Variants in RBFOX3 observed in about 807,000 individuals in gnomAD.
The protein encoded by RBFOX3 is RNA binding protein fox-1 homolog 3.
A neutral mutation model predicts 48.7 loss-of-function variants in RBFOX3; 17 were observed. The observed-to-expected ratio is 0.35, with a 90% confidence interval of 0.24 to 0.52. RBFOX3 has a LOEUF of 0.52. RBFOX3 is among the 20% of genes least tolerant of loss of function. The pLI, the probability that RBFOX3 is intolerant of heterozygous loss-of-function variation, is 0.94. For missense variants in RBFOX3, 382 were observed against 497.5 expected (o/e 0.77, Z 2.21); for synonymous variants, 212 against 209.5 (o/e 1.01, Z -0.10).
chr17:79,459,587 T>G (rs553035381), intron 2 of RBFOX3, among the ~76,000 whole-genome samples: 8 of 152,206 alleles, frequency 5.3e-5, no homozygotes, highest in African/African-American at 1.9e-4. Context: ...TGTGTTCCCC[T>G]GGAAGTCAAG....
At chr17:79,281,525 T>G (rs1434130016) in intron 3 of RBFOX3, among the ~76,000 whole-genome samples, 1 of 151,998 alleles carries the variant, frequency 6.6e-6, no homozygotes, top group African/African-American at 2.4e-5. Context: ...TGGGGTTAGC[T>G]TAGAGAAGAC....
intron 1 of RBFOX3, among the ~76,000 whole-genome samples, chr17:79,580,641 A>C (rs2093028735): frequency 6.6e-6 from 1 of 152,088 alleles, no homozygotes; most frequent in South Asian, 2.1e-4. Flanking sequence ...TTTAGAGCAA[A>C]GTTTTTTTTG....
intron 2 of RBFOX3, among the ~76,000 whole-genome samples, chr17:79,356,343 G>C (rs1426363385): frequency 1.1e-5 from 1 of 88,100 alleles, no homozygotes; most frequent in East Asian, 4.1e-4. Flanking sequence ...TTTTAAAACA[G>C]GGAAGTTTTT....
intron 2 of RBFOX3, among the ~76,000 whole-genome samples, chr17:79,349,156 A>C: frequency 6.6e-6 from 1 of 151,666 alleles, no homozygotes. Flanking sequence ...TCCTGCCCCA[A>C]CCATGCAAGT....
chr17:79,261,177 C>T (rs542986532), intron 3 of RBFOX3, among the ~76,000 whole-genome samples: 1 of 152,284 alleles, frequency 6.6e-6, no homozygotes, highest in South Asian at 2.1e-4. Flanking sequence ...ATCTGTTCCC[C>T]CAACTGCCCA....
chr17:79,280,163 G>A (rs12944469), intron 3 of RBFOX3, among the ~76,000 whole-genome samples: 1,050 of 99,526 alleles, frequency 0.011, 11 homozygotes, highest in African/African-American at 0.029. Flanking sequence ...ACACACACAC[G>A]CACACACCAC....
chr17:79,344,186 G>A (rs2082521523), intron 2 of RBFOX3, among the ~76,000 whole-genome samples: 1 of 152,072 alleles, frequency 6.6e-6, no homozygotes, highest in African/African-American at 2.4e-5. Context: ...CGGGTCCTGA[G>A]GCCAACATCT....
intron 14 of RBFOX3, chr17:79,091,880 C>T (rs1212732995): frequency 1.2e-6 from 1 of 829,008 alleles, no homozygotes; most frequent in Non-Finnish European, 1.5e-6. Flanking sequence ...TAAGGAGTCG[C>T]AGAGACTGGC....
chr17:79,187,918 A>G (rs2053742117), intron 4 of RBFOX3, among the ~76,000 whole-genome samples: 1 of 152,112 alleles, frequency 6.6e-6, no homozygotes, highest in Non-Finnish European at 1.5e-5. Context: ...CAGCTTGGGG[A>G]TGGGAAACTC....
chr17:79,200,738 G>T (rs2056625523), intron 4 of RBFOX3, among the ~76,000 whole-genome samples: 1 of 152,152 alleles, frequency 6.6e-6, no homozygotes, highest in Non-Finnish European at 1.5e-5. Context: ...TTGCATGGAG[G>T]GTACAGCTTT....
the RBFOX3 span, among the ~76,000 whole-genome samples, chr17:79,635,705 T>C: frequency 6.6e-6 from 1 of 152,182 alleles, no homozygotes; most frequent in Non-Finnish European, 1.5e-5. Flanking sequence ...TAACAAAAGA[T>C]TGATTTCCTT....
At chr17:79,320,551 C>T (rs2078359543) in intron 2 of RBFOX3, among the ~76,000 whole-genome samples, 1 of 152,240 alleles carries the variant, frequency 6.6e-6, no homozygotes, top group Non-Finnish European at 1.5e-5. Flanking sequence ...CCTCCCTTGG[C>T]AAACCCTGCC....
At chr17:79,378,279 G>T (rs1017101098) in intron 2 of RBFOX3, among the ~76,000 whole-genome samples, 3 of 152,096 alleles carry the variant, frequency 2.0e-5, no homozygotes, top group African/African-American at 7.2e-5. Context: ...TCTTCTCCTA[G>T]AAGAGTCCAA....
intron 4 of RBFOX3, among the ~76,000 whole-genome samples, chr17:79,223,803 C>T (rs529412201): frequency 6.6e-6 from 1 of 152,276 alleles, no homozygotes; most frequent in South Asian, 2.1e-4. Context: ...GGCAGTGCGC[C>T]CCCCCTACAG....
intron 4 of RBFOX3, among the ~76,000 whole-genome samples, chr17:79,173,190 A>G (rs1044207943): frequency 6.6e-6 from 1 of 152,074 alleles, no homozygotes; most frequent in African/African-American, 2.4e-5. Context: ...AGCCTGGGAG[A>G]CAGAACGAGA....
intron 1 of RBFOX3, among the ~76,000 whole-genome samples, chr17:79,530,363 A>G (rs1042061486): frequency 9.8e-5 from 15 of 152,298 alleles, no homozygotes; most frequent in African/African-American, 3.6e-4. Context: ...TCCCCCACGC[A>G]TGGCACCATC....
At chr17:79,185,295 G>T (rs1053369865) in intron 4 of RBFOX3, among the ~76,000 whole-genome samples, 1 of 152,202 alleles carries the variant, frequency 6.6e-6, no homozygotes, top group Non-Finnish European at 1.5e-5. Context: ...TCTCCACAGG[G>T]TCTTGGCTAT....
rs149218599 is a variant in RBFOX3, at chr17:79,443,290, G to A, written c.-175+39164C>T. 0.021 allele frequency among the ~76,000 whole-genome samples: 3,162 copies of A among 152,332 alleles called. 52 individuals are homozygous for A. Among genetic ancestry groups the A allele is most frequent in the Non-Finnish European group, 0.029 (1,959 of 68,028 alleles). ...AGGCCTCTGCCACCGGCCTCGCCAC[G>A]GGGGAGACCAGGCCAAGGCCTTGCC... On this transcript the variant is annotated intron_variant, in intron 2 of 14. Coordinates refer to ENST00000693108, the MANE Select transcript of RBFOX3 (RefSeq NM_001350451.2). This position sits in a 1 kb window ranked among gnomAD's most constrained non-coding sequence, Gnocchi z 4.4.
the RBFOX3 span, among the ~76,000 whole-genome samples, chr17:79,642,375 CT>C: frequency 4.6e-5 from 7 of 152,168 alleles, no homozygotes; most frequent in Non-Finnish European, 1.0e-4. Flanking sequence ...ACAAAAAATA[CT>C]GCAACTATGT....
Sources: allele counts gnomAD v4.1 joint callset (sites outside exome capture counted in the v4.1 genomes callset), GRCh38; gene constraint gnomAD v4.1.1; non-coding constraint Gnocchi (gnomAD v3.1); transcripts MANE v1.5; gene names NCBI Gene and HGNC (gene_info 2026-07-23, HGNC 2026-07-21).